The following MIB2 variants were observed in gnomAD, a reference collection of about 807,000 sequenced individuals.
MIB2 encodes the protein E3 ubiquitin-protein ligase MIB2.
Under a neutral mutation model 96.6 loss-of-function variants are expected in MIB2, and 78 were observed. That is an observed-to-expected ratio of 0.81 (90% CI 0.67 to 0.97). The LOEUF (loss-of-function observed/expected upper bound fraction) is 0.97, where lower values mean the gene tolerates loss of function less well. Among genes scored for constraint, MIB2 ranks in the 50% least tolerant of loss-of-function variants. The pLI, the probability that MIB2 is intolerant of heterozygous loss-of-function variation, is 0.00. For synonymous variants in MIB2, 820 were observed against 629.5 expected, an observed-to-expected ratio of 1.30 and a Z score of -4.53; for missense variants, 1,543 against 1,424.0, an observed-to-expected ratio of 1.08 and a Z score of -1.35.
intron 2 of MIB2, chr1:1,617,289 C>T (rs1367538006): frequency 2.0e-5 from 3 of 152,358 alleles, no homozygotes; most frequent in Admixed American, 1.3e-4. Context: ...CTTGCTTCTT[C>T]TGAATAAAGG....
intron 4 of MIB2, 121 bp from the exon 5 acceptor site, chr1:1,624,674 C>G (rs955470594): frequency 4.4e-6 from 4 of 913,170 alleles, no homozygotes; most frequent in South Asian, 1.4e-5. Flanking sequence ...GCTGGGGCTG[C>G]GGAGCCCAGC....
chr1:1,615,430 C>T (rs1192409866), upstream of MIB2: 16 of 1,494,454 alleles, frequency 1.1e-5, no homozygotes, highest in Non-Finnish European at 1.1e-5. Context: ...CGGTGCTTGC[C>T]CTGCCCATCC....
intron 2 of MIB2, among the ~76,000 whole-genome samples, chr1:1,622,076 G>A (rs1404130024): frequency 6.6e-6 from 1 of 152,246 alleles, no homozygotes; most frequent in Non-Finnish European, 1.5e-5. Context: ...TGAGGCCCAG[G>A]CTGGCCTGTG....
At chr1:1,616,740 G>T in intron 2 of MIB2, 126 bp downstream of exon 2, 1 of 713,348 alleles carries the variant, frequency 1.4e-6, no homozygotes, top group Non-Finnish European at 2.3e-6. Flanking sequence ...GGGGAGTGGT[G>T]AGTAATCCCG....
chr1:1,624,176 A>G (rs1644523156), intron 4 of MIB2: 3 of 575,894 alleles, frequency 5.2e-6, no homozygotes, highest in South Asian at 2.3e-5. Flanking sequence ...CCAGGGCGGC[A>G]TGAGACCTCC....
At position 1,628,738 on chromosome 1, in the gene MIB2, G is replaced by A. The variant is rs769445203; in HGVS notation, c.2202+16G>A. On this transcript the variant is annotated intron_variant, in intron 16 of 19. Transcript: ENST00000355826. ...GCTGTCCAGGGTGAGGAAGTGTGGC[G>A]TGGGGTGCTGGAGAGGCTGCGGTGG... 5.3e-6 allele frequency: 8 copies of A among 1,509,576 alleles called. No homozygotes were observed. Among genetic ancestry groups the A allele is most frequent in the South Asian group, 1.2e-5 (1 of 80,038 alleles). 93.5% of individuals were successfully genotyped at this position (1,509,576 alleles called of 1,614,324 possible).
intron 2 of MIB2, among the ~76,000 whole-genome samples, chr1:1,622,227 G>C (rs564413471): frequency 6.6e-6 from 1 of 152,352 alleles, no homozygotes; most frequent in African/African-American, 2.4e-5. Flanking sequence ...TGGCCATGGG[G>C]TCCTAGTGGT....
At chr1:1,616,094 T>C in intron 1 of MIB2, 1 of 983,744 alleles carries the variant, frequency 1.0e-6, no homozygotes, top group South Asian at 4.7e-5. Context: ...CAAGTTGGGG[T>C]CGGCAGGTAC....
At chr1:1,628,866 A>G (rs1184093203) in intron 16 of MIB2, 144 bp downstream of exon 16, 27 of 812,406 alleles carry the variant, frequency 3.3e-5, no homozygotes, top group East Asian at 2.7e-4. Flanking sequence ...GATGGGAGCC[A>G]AGTTCTATGT....
rs778376027 is a variant in MIB2, at chr1:1,630,572, C to T, written c.*42C>T. On this transcript the variant is annotated 3_prime_UTR_variant, in exon 20 of 20. Coordinates refer to ENST00000355826, the MANE Select transcript of MIB2 (RefSeq NM_001170687.4). ...CGCCCGAGCTGCCTTCGCGTGCCCC[C>T]GCCCTGTGTTTTATAAAAAGAAAGA... 2.8e-6 allele frequency: 4 copies of T among 1,415,984 alleles called. No homozygotes were observed. The highest frequency in any genetic ancestry group is 4.7e-5 in the Admixed American group (2 of 42,154). 87.7% of individuals were successfully genotyped at this position (1,415,984 alleles called of 1,614,324 possible).
chr1:1,621,504 G>A (rs963265181), intron 2 of MIB2, among the ~76,000 whole-genome samples: 18 of 144,598 alleles, frequency 1.2e-4, no homozygotes, highest in East Asian at 5.8e-4. Context: ...TGCACATCTC[G>A]GCAGCGTCAC....
rs1644791102 is a variant in MIB2, at chr1:1,626,616, T to C, written c.973-34T>C. 6.7e-7 allele frequency: 1 copy of C among 1,497,074 alleles called. No homozygotes were observed. Among genetic ancestry groups the C allele is most frequent in the African/African-American group, 1.4e-5 (1 of 71,228 alleles). The allele number at this position is 1,497,074 out of a possible 1,614,324, so 92.7% of individuals were successfully genotyped here. ...ATGAGCCTGGGCAGCCACACACAGC[T>C]GGGGGGCCCCTCACGCCCCTCTTTG... On this transcript the variant is annotated intron_variant, in intron 8 of 19. Coordinates refer to ENST00000355826, the MANE Select transcript of MIB2 (RefSeq NM_001170687.4). The surrounding 1 kb of genome is among the most constrained non-coding windows in gnomAD (Gnocchi z 5.3).
intron 2 of MIB2, 156 bp from the exon 3 acceptor site, chr1:1,623,275 G>A (rs1644423880): frequency 3.1e-6 from 4 of 1,285,798 alleles, no homozygotes; most frequent in Non-Finnish European, 4.1e-6. Context: ...GGGCCTCCTT[G>A]GGCCCTAGGG....
upstream of MIB2, chr1:1,615,296 T>G: frequency 7.4e-7 from 1 of 1,350,312 alleles, no homozygotes; most frequent in Non-Finnish European, 9.6e-7. Context: ...CAAGCCCCCG[T>G]CTCTATGGCA....
upstream of MIB2, chr1:1,614,964 G>C (rs1381163373): frequency 1.9e-5 from 3 of 154,676 alleles, no homozygotes; most frequent in Admixed American, 6.5e-5. Context: ...GCAATGAGCC[G>C]AGATCGCGCC....
upstream of MIB2, chr1:1,615,403 C>G: frequency 6.9e-7 from 1 of 1,455,558 alleles, no homozygotes; most frequent in South Asian, 1.4e-5. Flanking sequence ...CGCAGACGCT[C>G]CCGCGTGACG....
At position 1,627,838 on chromosome 1, in the gene MIB2, T is replaced by C. The variant is rs375543772; in HGVS notation, c.1680+9T>C. 2.5e-6 allele frequency: 4 copies of C among 1,592,564 alleles called. No individual in the cohort carries two copies. Among genetic ancestry groups the C allele is most frequent in the Non-Finnish European group, 3.4e-6 (4 of 1,179,018 alleles). ...GTGACGTCAACCTGCCCGTGAGTGC[T>C]GCTCCCTGGCCTGGGTGCCCCCTGC... is the stretch of plus-strand genomic sequence containing the variant. On this transcript the variant is annotated intron_variant, in intron 13 of 19. Coordinates refer to ENST00000355826, the MANE Select transcript of MIB2 (RefSeq NM_001170687.4).
At position 1,623,808 on chromosome 1, in the gene MIB2, C is replaced by T. The variant is rs1449607640; in HGVS notation, c.282C>T (p.Cys94=). ...VRHPNIICDC[C]KKHGLRGMRW... ...ACCCCAACATCATCTGTGACTGCTG[C>T]AAGAAGCACGGGCTGCGGGGGATGC... is the stretch of plus-strand genomic sequence containing the variant. The change falls in exon 4 of 20, where the codon TGC becomes TGT. Residue 94 remains cysteine (C), a synonymous_variant. Transcript: ENST00000355826. The T allele has an allele frequency of 6.2e-7, 1 of 1,609,276 alleles. No individual in the cohort carries two copies.
intron 19 of MIB2, 114 bp from the exon 20 acceptor site, chr1:1,630,178 G>A (rs1638583817): frequency 2.7e-5 from 4 of 147,152 alleles, no homozygotes; most frequent in Non-Finnish European, 3.2e-5. Flanking sequence ...CCCCCTTGCA[G>A]GTCACAACCC....
Sources: gnomAD v4.1 joint callset for allele counts (sites outside exome capture counted in the v4.1 genomes callset) on GRCh38, gnomAD v4.1.1 for gene constraint, Gnocchi (gnomAD v3.1) non-coding constraint, MANE v1.5 for transcripts, NCBI Gene and HGNC (gene_info 2026-07-23, HGNC 2026-07-21) for gene names.